The following VIT variants were observed in gnomAD, a reference collection of about 807,000 sequenced individuals.
VIT encodes vitrin.
VIT carries 99 observed loss-of-function variants against 78.0 expected under a neutral mutation model. The ratio of observed to expected loss-of-function variants is 1.27; its 90% CI spans 1.08 to 1.50. The LOEUF (loss-of-function observed/expected upper bound fraction) is 1.50. Among genes scored for constraint, VIT ranks in the 40% most tolerant of loss-of-function variants. The pLI is 0.00. For synonymous variants in VIT, 374 were observed against 334.3 expected (o/e 1.12, Z -1.29); for missense variants, 1,126 against 875.3 (o/e 1.29, Z -3.61).
intron 9 of VIT, among the ~76,000 whole-genome samples, chr2:36,778,518 A>C (rs982293967): frequency 6.6e-6 from 1 of 152,220 alleles, no homozygotes; most frequent in African/African-American, 2.4e-5. Context: ...CCATGGAGTT[A>C]ATGTTTCCAA....
At chr2:36,726,336 T>C (rs1425157035) in intron 2 of VIT, among the ~76,000 whole-genome samples, 1 of 152,176 alleles carries the variant, frequency 6.6e-6, no homozygotes, top group Non-Finnish European at 1.5e-5. Flanking sequence ...TAAGTAGAAA[T>C]AAGTTATTGA....
chr2:36,729,024 T>A (rs913774016), intron 2 of VIT, among the ~76,000 whole-genome samples: 1 of 152,130 alleles, frequency 6.6e-6, no homozygotes, highest in African/African-American at 2.4e-5. Context: ...CCACTTTTTA[T>A]CTTTTATACT....
chr2:36,739,492 T>G (rs1280592301), intron 3 of VIT, among the ~76,000 whole-genome samples: 2 of 152,196 alleles, frequency 1.3e-5, no homozygotes, highest in Non-Finnish European at 2.9e-5. Flanking sequence ...CAGTTGTCTG[T>G]TCTGAGATGA....
At chr2:36,766,645 C>G (rs1162792694) in intron 6 of VIT, among the ~76,000 whole-genome samples, 1 of 152,160 alleles carries the variant, frequency 6.6e-6, no homozygotes, top group Non-Finnish European at 1.5e-5. Flanking sequence ...CATGAACCAA[C>G]CTAAACCAGC....
intron 12 of VIT, among the ~76,000 whole-genome samples, chr2:36,792,921 T>C (rs1009118288): frequency 1.3e-5 from 2 of 152,190 alleles, no homozygotes; most frequent in Non-Finnish European, 2.9e-5. Flanking sequence ...ATTATTATTA[T>C]TATTACTAAA....
chr2:36,814,121 A>G, intron 15 of VIT, 62 bp from the exon 16 acceptor site: 1 of 1,575,108 alleles, frequency 6.3e-7, no homozygotes, highest in Non-Finnish European at 8.6e-7. Context: ...ACAAGAAGAG[A>G]GAGATTCTTT....
intron 12 of VIT, among the ~76,000 whole-genome samples, chr2:36,798,585 T>TGAAAA (rs1252911172): frequency 2.0e-5 from 3 of 151,914 alleles, no homozygotes; most frequent in Admixed American, 6.6e-5. Flanking sequence ...TGAAACCCCG[T>TGAAAA]CTCTATTAAA....
At position 36,808,820 on chromosome 2, in the gene VIT, G is replaced by C. The variant is rs142668632; in HGVS notation, c.1738G>C (p.Val580Leu). Residue 580 changes from valine (V) to leucine (L), a missense_variant, in exon 15 of 16, where the codon GTG becomes CTG. Physicochemically the swap from Val to Leu is conservative, Grantham distance 32. Transcript: ENST00000379242. ...KPDILNAIKR[V>L]GYWSGGTSTG... ...TGACATCCTCAACGCCATCAAGAGG[G>C]TGGGCTACTGGAGTGGTGGCACCAG... 8 of 1,614,208 alleles carry C rather than the reference G, an allele frequency of 5.0e-6. No homozygotes were observed. The highest frequency in any genetic ancestry group is 6.8e-6 in the Non-Finnish European group (8 of 1,180,018).
In VIT at chr2:36,814,292, C is replaced by A. The variant is rs974713555; in HGVS notation, c.2013C>A (p.Asn671Lys). Reference sequence around the variant, plus strand: ...CCTTCTTTGTGGACGAGTTTGACAACCTCCATCAGTATGTCCCCAGGATCA... The same window carrying A: ...CCTTCTTTGTGGACGAGTTTGACAAACTCCATCAGTATGTCCCCAGGATCA... ...DHSFFVDEFD[N>K]LHQYVPRIIQ... Residue 671 changes from asparagine to lysine, a missense_variant, in exon 16 of 16, where the codon AAC (asparagine) becomes AAA (lysine). By Grantham distance (94) the Asn-to-Lys change is moderately conservative. Coordinates refer to ENST00000379242, the MANE Select transcript of VIT (RefSeq NM_053276.4). The A allele has an allele frequency of 6.2e-7, 1 of 1,614,204 alleles. No homozygotes were observed. Among genetic ancestry groups the A allele is most frequent in the African/African-American group, 1.3e-5 (1 of 75,040 alleles).
intron 2 of VIT, among the ~76,000 whole-genome samples, chr2:36,719,217 G>C (rs927063993): frequency 6.6e-6 from 1 of 152,144 alleles, no homozygotes; most frequent in Non-Finnish European, 1.5e-5. Context: ...GTATGACAGG[G>C]CCACAGCTAA....
intron 6 of VIT, among the ~76,000 whole-genome samples, chr2:36,766,263 T>C (rs1407806800): frequency 2.0e-5 from 3 of 152,200 alleles, no homozygotes; most frequent in Admixed American, 6.5e-5. Context: ...GCACAGTGGC[T>C]TGCACCTGTC....
At chr2:36,747,757 G>A (rs575316750) in intron 4 of VIT, among the ~76,000 whole-genome samples, 19 of 152,214 alleles carry the variant, frequency 1.2e-4, no homozygotes, top group Non-Finnish European at 2.6e-4. Context: ...TACATTCAAG[G>A]TTAATATTGA....
intron 14 of VIT, 35 bp downstream of exon 14, chr2:36,805,699 G>C (rs763413628): frequency 1.3e-6 from 2 of 1,591,344 alleles, no homozygotes; most frequent in Non-Finnish European, 1.7e-6. Context: ...CCAACATCAG[G>C]ATTTTCTGCA....
intron 15 of VIT, 65 bp from the exon 16 acceptor site, chr2:36,814,118 G>A: frequency 1.3e-6 from 2 of 1,570,998 alleles, no homozygotes; most frequent in Non-Finnish European, 1.7e-6. Flanking sequence ...GCCACAAGAA[G>A]AGAGAGATTC....
At chr2:36,725,415 G>C (rs1666770158) in intron 2 of VIT, among the ~76,000 whole-genome samples, 1 of 152,132 alleles carries the variant, frequency 6.6e-6, no homozygotes, top group South Asian at 2.1e-4. Context: ...GGTTCCTAGA[G>C]AGGCATCTTT....
chr2:36,700,747 A>C (rs1166952801), intron 1 of VIT, among the ~76,000 whole-genome samples: 1 of 152,022 alleles, frequency 6.6e-6, no homozygotes, highest in East Asian at 1.9e-4. Context: ...ATTAAATAAT[A>C]ATAATAATAA....
At chr2:36,715,468 A>AGAGGTTGTAGTGAGCC (rs1242383864) in intron 1 of VIT, among the ~76,000 whole-genome samples, 1 of 150,620 alleles carries the variant, frequency 6.6e-6, no homozygotes, top group East Asian at 2.0e-4. Context: ...CTCGGGAGGC[A>AGAGGTTGTAGTGAGCC]GAGGTTGTAG....
intron 3 of VIT, among the ~76,000 whole-genome samples, chr2:36,739,460 T>C (rs921530447): frequency 6.6e-6 from 1 of 152,226 alleles, no homozygotes; most frequent in African/African-American, 2.4e-5. Flanking sequence ...AATTTTGTAC[T>C]AAAAATTGAC....
At chr2:36,706,724 G>C (rs576187786) in intron 1 of VIT, among the ~76,000 whole-genome samples, 15 of 152,328 alleles carry the variant, frequency 9.8e-5, no homozygotes, top group African/African-American at 3.6e-4. Flanking sequence ...TTCAGTGACT[G>C]TCATCTCTGC....
Sources: allele counts gnomAD v4.1 joint callset (sites outside exome capture counted in the v4.1 genomes callset), GRCh38; gene constraint gnomAD v4.1.1; transcripts MANE v1.5; gene names NCBI Gene and HGNC (gene_info 2026-07-23, HGNC 2026-07-21).